Variants in SNX13 observed in about 807,000 individuals in gnomAD.
The protein encoded by SNX13 is sorting nexin 13.
Under a neutral mutation model 133.6 loss-of-function variants are expected in SNX13, and 45 were observed. The ratio of observed to expected loss-of-function variants is 0.34; its 90% confidence interval spans 0.27 to 0.43. SNX13 has a LOEUF of 0.43. Among genes scored for constraint, SNX13 ranks in the 20% least tolerant of loss-of-function variants. SNX13 has a pLI of 1.00. For missense variants in SNX13, 1,032 were observed against 1,145.1 expected (o/e 0.90, Z 1.43); for synonymous variants, 414 against 373.9 (o/e 1.11, Z -1.24).
intron 20 of SNX13, among the ~76,000 whole-genome samples, chr7:17,804,255 A>T (rs918755701): frequency 1.3e-5 from 2 of 152,210 alleles, no homozygotes; most frequent in Non-Finnish European, 1.5e-5. Context: ...AACTAGAATT[A>T]GCCACTATAT....
intron 1 of SNX13, among the ~76,000 whole-genome samples, chr7:17,937,943 T>C (rs1412479886): frequency 6.6e-6 from 1 of 152,208 alleles, no homozygotes; most frequent in Admixed American, 6.5e-5. Context: ...CAGGAGAATC[T>C]TTCATAGCAC....
intron 1 of SNX13, among the ~76,000 whole-genome samples, chr7:17,901,878 C>T (rs1797877525): frequency 6.6e-6 from 1 of 152,124 alleles, no homozygotes; most frequent in Non-Finnish European, 1.5e-5. Context: ...TTCTATTTGG[C>T]CATCCTGCTC....
chr7:17,839,756 T>C lies in SNX13; in HGVS notation c.1359+51A>G, dbSNP rs1789646390. On this transcript the variant is annotated intron_variant, in intron 13 of 25. Transcript: ENST00000428135. ...TGGCATAAGCAATGGATTACAAAAA[T>C]TATTAATAATACTGCTAAAGAAGAA... is the stretch of plus-strand genomic sequence containing the variant. 10 of 1,460,144 alleles carry C rather than the reference T, an allele frequency of 6.8e-6. No homozygotes were observed. The East Asian group carries it at 2.4e-4, about 36-fold the overall frequency. 90.4% of individuals were successfully genotyped at this position (1,460,144 alleles called of 1,614,324 possible). A position where few individuals can be genotyped will look rare whatever the true frequency, so the allele number is the denominator to read the frequency against.
chr7:17,858,180 TAA>T (rs1792166351), intron 9 of SNX13, among the ~76,000 whole-genome samples: 2 of 152,076 alleles, frequency 1.3e-5, no homozygotes, highest in South Asian at 4.1e-4. Context: ...CTACCCAGAG[TAA>T]TTAGGCAAGA....
rs1473549496 is a variant in SNX13 at position 17,940,470 on chromosome 7, G to T, written c.-175C>A. 1.3e-6 allele frequency: 1 copy of T among 744,956 alleles called. No individual in the cohort carries two copies. Among genetic ancestry groups the T allele is most frequent in the Admixed American group, 2.0e-5 (1 of 50,016 alleles). The allele number at this position is 744,956 out of a possible 1,614,324, so 46.1% of individuals were successfully genotyped here. A position where few individuals can be genotyped will look rare whatever the true frequency, so the allele number is the denominator to read the frequency against. ...TCCCCTCGGCCCGGTCGCTCGCGAC[G>T]GACGCGCCGCCATCTTGGAAGAGCG... On this transcript the variant is annotated 5_prime_UTR_variant, in exon 1 of 26. Transcript: ENST00000428135.
chr7:17,902,261 T>G (rs1457575434), intron 1 of SNX13, among the ~76,000 whole-genome samples: 2 of 151,108 alleles, frequency 1.3e-5, no homozygotes, highest in Non-Finnish European at 3.0e-5. Flanking sequence ...TTTTTTTTTT[T>G]TTTTAGAAAA....
intron 9 of SNX13, among the ~76,000 whole-genome samples, chr7:17,864,092 T>C (rs79087302): frequency 1.5e-3 from 232 of 152,266 alleles, no homozygotes; most frequent in Non-Finnish European, 2.4e-3. Flanking sequence ...TTGAGAAGAT[T>C]AAAATAAATA....
chr7:17,827,478 A>G (rs1442027095), intron 16 of SNX13, among the ~76,000 whole-genome samples: 1 of 152,028 alleles, frequency 6.6e-6, no homozygotes, highest in Non-Finnish European at 1.5e-5. Context: ...AGTCACTTAA[A>G]TTAAGGCAAT....
At chr7:17,813,762 A>G (rs1023649370) in intron 20 of SNX13, among the ~76,000 whole-genome samples, 1 of 151,494 alleles carries the variant, frequency 6.6e-6, no homozygotes, top group Non-Finnish European at 1.5e-5. Flanking sequence ...AGTATTTTTT[A>G]TTTTTTGTAG....
chr7:17,814,679 G>A (rs192193668), intron 20 of SNX13, among the ~76,000 whole-genome samples, 155 bp downstream of exon 20: 2 of 152,110 alleles, frequency 1.3e-5, no homozygotes, highest in Non-Finnish European at 2.9e-5. Context: ...TTTATATGTA[G>A]ATATTCCTAC....
At chr7:17,805,274 C>T (rs1785164413) in intron 20 of SNX13, among the ~76,000 whole-genome samples, 1 of 145,562 alleles carries the variant, frequency 6.9e-6, no homozygotes, top group Admixed American at 6.8e-5. Flanking sequence ...CGCATGCATG[C>T]ACATGTGTAA....
At chr7:17,874,801 TA>T (rs1794522097) in intron 7 of SNX13, among the ~76,000 whole-genome samples, 1 of 152,162 alleles carries the variant, frequency 6.6e-6, no homozygotes, top group East Asian at 1.9e-4. Flanking sequence ...TTGTCTAGTG[TA>T]AACTCCTACC....
intron 15 of SNX13, chr7:17,831,203 T>A: frequency 1.0e-6 from 1 of 984,260 alleles, no homozygotes. Context: ...AAATACAGTA[T>A]AAAATCAATC....
intron 2 of SNX13, among the ~76,000 whole-genome samples, chr7:17,895,961 A>G (rs1797160503): frequency 6.6e-6 from 1 of 152,164 alleles, no homozygotes; most frequent in Non-Finnish European, 1.5e-5. Context: ...GGCTAATACA[A>G]TTAGTGAAAT....
chr7:17,816,368 A>C, intron 18 of SNX13, 79 bp from the exon 19 acceptor site: 1 of 1,460,390 alleles, frequency 6.8e-7, no homozygotes, highest in South Asian at 1.3e-5. Context: ...CTACATATTA[A>C]AAACATCTTC....
intron 20 of SNX13, among the ~76,000 whole-genome samples, chr7:17,804,801 A>G (rs1583468804): frequency 6.6e-6 from 1 of 152,194 alleles, no homozygotes; most frequent in African/African-American, 2.4e-5. Flanking sequence ...TTCATGCAAA[A>G]ACAAAAAAAT....
intron 13 of SNX13, among the ~76,000 whole-genome samples, chr7:17,835,157 A>T (rs1788991339): frequency 6.6e-6 from 1 of 151,908 alleles, no homozygotes; most frequent in South Asian, 2.1e-4. Context: ...AAATGGAGAT[A>T]ATACTATATA....
chr7:17,913,760 CAAAAAAAAAAA>C lies in SNX13; in HGVS notation c.13-16325_13-16315del, dbSNP rs71010278. 3.4e-3 allele frequency among the ~76,000 whole-genome samples: 183 copies of C among 54,100 alleles called. 1 individual carries two copies. Among genetic ancestry groups the C allele is most frequent in the African/African-American group, 0.015 (159 of 10,410 alleles). The allele number at this position is 54,100 out of a possible 152,430, so 35.5% of individuals were successfully genotyped here. ...CCAAACAATAGCAAATTAACAAAAA[CAAAAAAAAAAA>C]AAAAAAAAAAAGAAGCAGCATCGGC... On this transcript the variant is annotated intron_variant, in intron 1 of 25. Transcript: ENST00000428135.
chr7:17,856,744 T>C (rs1201049694), intron 9 of SNX13, among the ~76,000 whole-genome samples: 1 of 136,146 alleles, frequency 7.3e-6, no homozygotes, highest in Non-Finnish European at 1.5e-5. Context: ...GCTGTGATCA[T>C]GCCACCACAC....
Sources: allele counts gnomAD v4.1 joint callset (sites outside exome capture counted in the v4.1 genomes callset), GRCh38; gene constraint gnomAD v4.1.1; transcripts MANE v1.5; gene names NCBI Gene and HGNC (gene_info 2026-07-23, HGNC 2026-07-21).